RIF1: variants seen among roughly 807,000 people sequenced by gnomAD.
RIF1 encodes replication timing regulatory factor 1, also known as telomere-associated protein RIF1.
In RIF1, 45 loss-of-function variants were observed where a neutral mutation model predicts 247.1. That is an observed-to-expected ratio of 0.18 (90% CI 0.14 to 0.23). RIF1 has a LOEUF of 0.23. RIF1 is among the 10% of genes least tolerant of loss of function. The pLI, the probability that RIF1 is intolerant of heterozygous loss-of-function variation, is 1.00. For missense variants in RIF1, 2,967 were observed against 2,862.5 expected, an observed-to-expected ratio of 1.04 and a Z score of -0.83; for synonymous variants, 1,087 against 978.8, an observed-to-expected ratio of 1.11 and a Z score of -2.06.
rs1270007103 is a variant in RIF1, at chr2:151,492,510, C to G, written c.*416-2719C>G. On this transcript the variant is annotated intron_variant and NMD_transcript_variant, in intron 9 of 13. Transcript: ENST00000454583. ...AATAAAGAACCTGATGCAGGAGAGACCGTGAATGAGTGGTGCTGTCCTAAA... is the reference window on the plus strand; with the variant it reads ...AATAAAGAACCTGATGCAGGAGAGAGCGTGAATGAGTGGTGCTGTCCTAAA... The G allele has an allele frequency of 2.6e-6, 4 of 1,567,514 alleles. No homozygotes were observed. Among genetic ancestry groups the G allele is most frequent in the East Asian group, 2.2e-5 (1 of 44,650 alleles).
At chr2:151,497,795 A>AAAAC in intron 10 of RIF1, 2 of 1,540,232 alleles carry the variant, frequency 1.3e-6, no homozygotes, top group South Asian at 2.5e-5. Context: ...GGATGAGGAA[A>AAAAC]AAACACAGTC....
chr2:151,524,338 G>C, the RIF1 span: 2 of 1,613,846 alleles, frequency 1.2e-6, no homozygotes, highest in South Asian at 2.2e-5. Flanking sequence ...CTGCCTTCTT[G>C]GCCATTTCTA....
chr2:151,524,654 C>CTCTTT, the RIF1 span: 1 of 255,202 alleles, frequency 3.9e-6, no homozygotes. Flanking sequence ...AAGAGAGAGG[C>CTCTTT]TTTTTTTTTT....
chr2:151,494,553 G>A (rs890658259), intron 9 of RIF1, among the ~76,000 whole-genome samples: 2 of 152,174 alleles, frequency 1.3e-5, no homozygotes, highest in African/African-American at 4.8e-5. Flanking sequence ...GCCCCTGAGA[G>A]ATGATCCAAA....
At chr2:151,430,316 C>T (rs1036816977) in intron 9 of RIF1, among the ~76,000 whole-genome samples, 1 of 150,848 alleles carries the variant, frequency 6.6e-6, no homozygotes, top group East Asian at 2.0e-4. Context: ...GTACTGCGCC[C>T]GGCCTTTTTT....
intron 10 of RIF1, among the ~76,000 whole-genome samples, chr2:151,498,962 G>GATA (rs1188124870): frequency 2.0e-5 from 3 of 152,034 alleles, no homozygotes; most frequent in Non-Finnish European, 2.9e-5. Flanking sequence ...AAGAAACGAG[G>GATA]ATAATAGTCG....
the RIF1 span, chr2:151,525,320 A>G: frequency 7.2e-7 from 1 of 1,383,084 alleles, no homozygotes; most frequent in Non-Finnish European, 1.0e-6. Flanking sequence ...AGCTGGGAAC[A>G]GAGTTGGTTT....
the RIF1 span, among the ~76,000 whole-genome samples, chr2:151,525,622 A>C: frequency 2.6e-5 from 4 of 152,358 alleles, 1 homozygote; most frequent in South Asian, 8.3e-4. Context: ...AGGCCCAAAG[A>C]GGTAGTTTTA....
At chr2:151,488,064 C>T (rs1234737072) in intron 9 of RIF1, among the ~76,000 whole-genome samples, 2 of 152,012 alleles carry the variant, frequency 1.3e-5, no homozygotes, top group South Asian at 4.2e-4. Context: ...TCATGGTGAA[C>T]ACCTTTTTCT....
chr2:151,438,852 A>G (rs1035337527), intron 14 of RIF1, 106 bp downstream of exon 14: 22 of 708,100 alleles, frequency 3.1e-5, no homozygotes, highest in Non-Finnish European at 4.9e-5. Context: ...TTTATTTTAA[A>G]AGTATTTCTT....
chr2:151,465,852 A>G lies in RIF1; in HGVS notation c.6332A>G (p.Gln2111Arg), dbSNP rs1204391906. Residue 2111 changes from glutamine to arginine, a missense_variant, in exon 30 of 36, where the codon CAG (glutamine) becomes CGG (arginine). Gln to Arg is a conservative substitution (Grantham distance 43). This residue lies in a region of RIF1 where 2,028 missense variants were observed against 1,825.6 expected (regional missense o/e 1.11). Coordinates refer to ENST00000444746, the MANE Select transcript of RIF1 (RefSeq NM_018151.5). ...ATGGTAATGGAAAGTGATATTTTACAGGAAGATCACCATACTTCACAGAAA... is the reference window on the plus strand; with the variant it reads ...ATGGTAATGGAAAGTGATATTTTACGGGAAGATCACCATACTTCACAGAAA... ...NQMVMESDIL[Q>R]EDHHTSQKVE... 8 of 1,612,630 alleles carry G rather than the reference A, an allele frequency of 5.0e-6. No homozygotes were observed. The highest frequency in any genetic ancestry group is 6.8e-6 in the Non-Finnish European group (8 of 1,178,694).
At chr2:151,519,087 A>G in the RIF1 span, 3 of 1,502,538 alleles carry the variant, frequency 2.0e-6, no homozygotes, top group Non-Finnish European at 2.8e-6. Context: ...TTATGGGGGA[A>G]GAAAGGAAAT....
intron 35 of RIF1, 90 bp from the exon 36 acceptor site, chr2:151,474,767 C>CTAGGCACTT (rs1321538736): frequency 1.3e-6 from 1 of 749,340 alleles, no homozygotes; most frequent in East Asian, 2.7e-5. Context: ...AATTTGAAAC[C>CTAGGCACTT]TAGGCACTTG....
the RIF1 span, chr2:151,514,712 A>G: frequency 6.1e-6 from 5 of 816,002 alleles, no homozygotes; most frequent in Admixed American, 1.4e-4. Context: ...CCAATTTGAA[A>G]CCCACAGTTA....
At chr2:151,505,554 G>A in intron 12 of RIF1, 9 of 1,613,414 alleles carry the variant, frequency 5.6e-6, no homozygotes, top group Non-Finnish European at 7.6e-6. Context: ...TTGTCCTATT[G>A]CTTCCTTATA....
In RIF1 at chr2:151,465,710, G is replaced by C; in HGVS notation, c.6190G>C (p.Asp2064His). 1 of 1,614,188 alleles carries C rather than the reference G, an allele frequency of 6.2e-7. No individual in the cohort carries two copies. Among genetic ancestry groups the C allele is most frequent in the South Asian group, 1.1e-5 (1 of 91,076 alleles). Residue 2064 changes from aspartate to histidine, a missense_variant, in exon 30 of 36, where the codon GAC becomes CAC. Physicochemically the swap from Asp to His is moderately conservative, Grantham distance 81 (BLOSUM62 -1). Transcript: ENST00000444746. ...AACAAACATGTTGACTGCAGAAATG[G>C]ACAACTTTGTTTGTGACACAGTTGA... Reference protein sequence around the residue: ...AETNMLTAEMDNFVCDTVEMS... With the variant: ...AETNMLTAEMHNFVCDTVEMS...
chr2:151,490,636 T>G, intron 9 of RIF1: 2 of 1,235,826 alleles, frequency 1.6e-6, no homozygotes, highest in Non-Finnish European at 2.3e-6. Flanking sequence ...TTAAGTACTT[T>G]CCCATGGGTC....
chr2:151,520,748 C>T, the RIF1 span, among the ~76,000 whole-genome samples: 1 of 152,162 alleles, frequency 6.6e-6, no homozygotes, highest in Non-Finnish European at 1.5e-5. Context: ...CCTGTAGTCT[C>T]AGCTACTCAG....
At position 151,468,672 on chromosome 2, in the gene RIF1, G is replaced by A; in HGVS notation, c.6857G>A (p.Cys2286Tyr). The A allele has an allele frequency of 1.9e-6, 3 of 1,614,034 alleles. No homozygotes were observed. Among genetic ancestry groups the A allele is most frequent in the Non-Finnish European group, 2.5e-6 (3 of 1,179,910 alleles). Reference sequence around the variant, plus strand: ...GAAATGGCCAAAGAATCCATACCATGCCCAACAGAAAGTGTTTACCCACCA... The same window carrying A: ...GAAATGGCCAAAGAATCCATACCATACCCAACAGAAAGTGTTTACCCACCA... ...ISEMAKESIP[C>Y]PTESVYPPLV... is the part of the protein sequence containing the mutation. The change falls in exon 33 of 36, where the codon TGC becomes TAC. Residue 2286 changes from cysteine (C) to tyrosine (Y), a missense_variant. Physicochemically the swap from Cys to Tyr is radical, Grantham distance 194. This residue lies in a region of RIF1 where 2,028 missense variants were observed against 1,825.6 expected (regional missense o/e 1.11). Coordinates refer to ENST00000444746, the MANE Select transcript of RIF1 (RefSeq NM_018151.5).
Sources: gnomAD v4.1 joint callset for allele counts (sites outside exome capture counted in the v4.1 genomes callset) on GRCh38, gnomAD v4.1.1 for gene constraint, gnomAD v4.1.1 regional missense constraint, MANE v1.5 for transcripts, NCBI Gene and HGNC (gene_info 2026-07-23, HGNC 2026-07-21) for gene names.